The following FAT2 variants were observed in gnomAD, a reference collection of about 807,000 sequenced individuals.
The protein encoded by FAT2 is protocadherin Fat 2.
In FAT2, 150 loss-of-function variants were observed where a neutral mutation model predicts 295.3. The ratio of observed to expected loss-of-function variants is 0.51; its 90% CI spans 0.44 to 0.58. FAT2 has a LOEUF of 0.58. FAT2 is among the 20% of genes least tolerant of loss of function. The pLI, the probability that FAT2 is intolerant of heterozygous loss-of-function variation, is 0.00. For synonymous variants in FAT2, 2,026 were observed against 2,150.3 expected, an observed-to-expected ratio of 0.94 and a Z score of 1.60; for missense variants, 4,868 against 5,442.7, an observed-to-expected ratio of 0.89 and a Z score of 3.32.
In FAT2 at chr5:151,528,064, G is replaced by A. The variant is rs145145475; in HGVS notation, c.10096C>T (p.Leu3366Phe). 1 of 1,614,222 alleles carries A rather than the reference G, an allele frequency of 6.2e-7. No individual in the cohort carries two copies. Among genetic ancestry groups the A allele is most frequent in the Non-Finnish European group, 8.5e-7 (1 of 1,180,028 alleles). Residue 3366 changes from leucine (L) to phenylalanine (F), a missense_variant, in exon 16 of 24, where the codon CTT (leucine) becomes TTT (phenylalanine). By Grantham distance (22) the Leu-to-Phe change is conservative (BLOSUM62 0). Around this residue, in one of 5 missense-constraint regions of FAT2, gnomAD observed 1,046 missense variants for 1,210.1 expected, o/e 0.86. Transcript: ENST00000261800. The stretch of plus-strand genomic sequence containing the variant: ...TTGGGGTGAATGGTGAAGTGCCCAA[G>A]CTGGTTCCCTCCTATGAGGCTATAG... ...ITYSLIGGNQ[L>F]GHFTIHPKKG... is the part of the protein sequence containing the mutation.
chr5:151,594,408 C>A (rs377730442), upstream of FAT2, among the ~76,000 whole-genome samples: 1 of 152,208 alleles, frequency 6.6e-6, no homozygotes, highest in African/African-American at 2.4e-5. Context: ...GAAGCCCAGG[C>A]CCCAGACCCA....
intron 3 of FAT2, among the ~76,000 whole-genome samples, chr5:151,562,168 C>A (rs66495175): frequency 0.11 from 16,787 of 152,138 alleles, 1,092 homozygotes; most frequent in African/African-American, 0.17. Flanking sequence ...ATCTCACCCA[C>A]CCCTCTGTCT....
chr5:151,588,289 T>C (rs1413522570), intron 1 of FAT2, among the ~76,000 whole-genome samples: 1 of 152,224 alleles, frequency 6.6e-6, no homozygotes, highest in Non-Finnish European at 1.5e-5. Context: ...CCTTCAAGAC[T>C]GATCTGCCAC....
At position 151,507,282 on chromosome 5, in the gene FAT2, G is replaced by A. The variant is rs764741469; in HGVS notation, c.12389C>T (p.Thr4130Ile). 8.7e-6 allele frequency: 14 copies of A among 1,614,188 alleles called. No homozygotes were observed. Among genetic ancestry groups the A allele is most frequent in the East Asian group, 6.7e-5 (3 of 44,872 alleles). The change falls in exon 23 of 24, where the codon ACA becomes ATA. Residue 4130 changes from threonine to isoleucine, a missense_variant. By Grantham distance (89) the Thr-to-Ile change is moderately conservative. Transcript: ENST00000261800. ...SKASVPNELV[T>I]FGPNSKQRPV... ...CCGTTGCTTAGAATTGGGTCCAAAT[G>A]TGACGAGTTCATTTGGAACAGAGGC...
At chr5:151,583,111 G>A (rs986987401) in intron 1 of FAT2, among the ~76,000 whole-genome samples, 5 of 152,122 alleles carry the variant, frequency 3.3e-5, no homozygotes, top group African/African-American at 1.2e-4. Flanking sequence ...GGGAAGCCAT[G>A]TTCTACTTGT....
intron 12 of FAT2, among the ~76,000 whole-genome samples, chr5:151,535,324 G>A (rs1445454584): frequency 6.6e-6 from 1 of 151,912 alleles, no homozygotes; most frequent in African/African-American, 2.4e-5. Context: ...CTGCCCCAAA[G>A]CAAGATTCCC....
intron 11 of FAT2, among the ~76,000 whole-genome samples, chr5:151,538,218 AAG>A (rs1200745343): frequency 2.0e-5 from 3 of 152,234 alleles, no homozygotes; most frequent in Admixed American, 2.0e-4. Context: ...CGAGTCAGAA[AAG>A]AGAGAATGGA....
intron 1 of FAT2, among the ~76,000 whole-genome samples, chr5:151,588,680 G>A (rs1016247218): frequency 2.0e-5 from 3 of 152,128 alleles, no homozygotes; most frequent in Non-Finnish European, 4.4e-5. Flanking sequence ...ATCTTAGTAG[G>A]AGAGCCAATA....
At chr5:151,516,831 G>A (rs1212371877) in intron 20 of FAT2, among the ~76,000 whole-genome samples, 1 of 152,070 alleles carries the variant, frequency 6.6e-6, no homozygotes, top group Non-Finnish European at 1.5e-5. Context: ...TGGGGCTGAG[G>A]GCAGTGGTTC....
chr5:151,566,471 G>A lies in FAT2; in HGVS notation c.2461C>T (p.Pro821Ser), dbSNP rs1400206618. Residue 821 changes from proline (P) to serine (S), a missense_variant, in exon 2 of 24, where the codon CCT (proline) becomes TCT (serine). Physicochemically the swap from Pro to Ser is moderately conservative, Grantham distance 74. This residue lies in a region of FAT2 where 3,297 missense variants were observed against 3,669.4 expected (regional missense o/e 0.90). Transcript: ENST00000261800. ...ATGGTTAACTGGTACCCACCGGGAG[G>A]AAATCTGGGTGCGTTGTCATTCCAG... ...KDWNDNAPRF[P>S]PGGYQLTISE... 1 of 1,613,726 alleles carries A rather than the reference G, an allele frequency of 6.2e-7. No individual in the cohort carries two copies.
In FAT2 at chr5:151,544,577, T is replaced by C; in HGVS notation, c.6550A>G (p.Ile2184Val). ...TGGAGAATTGGGGTATAGAGGGTGA[T>C]ATTTTCAGGTACTCTGACTTTGTAA... Reference protein sequence around the residue: ...PYYKVRVPENITLYTPILHTQ... With the variant: ...PYYKVRVPENVTLYTPILHTQ... The change falls in exon 10 of 24, where the codon ATC becomes GTC. Residue 2184 changes from isoleucine to valine, a missense_variant. Ile to Val is a conservative substitution (Grantham distance 29). Transcript: ENST00000261800. 1 of 1,614,082 alleles carries C rather than the reference T, an allele frequency of 6.2e-7. No homozygotes were observed. The highest frequency in any genetic ancestry group is 8.5e-7 in the Non-Finnish European group (1 of 1,180,000).
rs754868926 is a variant in FAT2, at chr5:151,517,714, G to A, written c.11369C>T (p.Ala3790Val). 25 of 1,614,060 alleles carry A rather than the reference G, an allele frequency of 1.5e-5. No individual in the cohort carries two copies. The highest frequency in any genetic ancestry group is 5.0e-5 in the Admixed American group (3 of 60,002). The change falls in exon 20 of 24, where the codon GCG becomes GTG. Residue 3790 changes from alanine (A) to valine (V), a missense_variant. Physicochemically the swap from Ala to Val is moderately conservative, Grantham distance 64. Around this residue, in one of 5 missense-constraint regions of FAT2, gnomAD observed 1,046 missense variants for 1,210.1 expected, o/e 0.86. Coordinates refer to ENST00000261800, the MANE Select transcript of FAT2 (RefSeq NM_001447.3). ...GAAATGGATGTGCCAGTTCCGAGCCGCTGGGGCCCTGTACCGCACATAGCT... is the reference window on the plus strand; with the variant it reads ...GAAATGGATGTGCCAGTTCCGAGCCACTGGGGCCCTGTACCGCACATAGCT... Reference protein sequence around the residue: ...GQSYVRYRAPAARNWHIHFYL... With the variant: ...GQSYVRYRAPVARNWHIHFYL...
chr5:151,516,259 C>T (rs550994895), intron 20 of FAT2, among the ~76,000 whole-genome samples: 6 of 152,290 alleles, frequency 3.9e-5, no homozygotes, highest in South Asian at 2.1e-4. Flanking sequence ...CCTATAATCC[C>T]AGCACTTTGG....
Position 151,544,744 on chromosome 5 carries a change from T to A in FAT2, c.6383A>T (p.Lys2128Met). The change falls in exon 10 of 24, where the codon AAG becomes ATG. Residue 2128 changes from lysine (K) to methionine (M), a missense_variant. Physicochemically the swap from Lys to Met is moderately conservative, Grantham distance 95. Coordinates refer to ENST00000261800, the MANE Select transcript of FAT2 (RefSeq NM_001447.3). ...TAAAGCTTGATAATCAAAGGGTTTC[T>A]TGAGTGATATGTCCCCAAGATAGGG... ...IDPYLGDISL[K>M]KPFDYQALNK... is the part of the protein sequence containing the mutation. 2 of 1,614,214 alleles carry A rather than the reference T, an allele frequency of 1.2e-6. No homozygotes were observed. Among genetic ancestry groups the A allele is most frequent in the Non-Finnish European group, 8.5e-7 (1 of 1,180,038 alleles).
intron 19 of FAT2, among the ~76,000 whole-genome samples, chr5:151,519,952 CTT>C (rs1753272538): frequency 6.6e-6 from 1 of 152,172 alleles, no homozygotes; most frequent in Non-Finnish European, 1.5e-5. Context: ...CTCCAGTAGA[CTT>C]TGCAAAATCT....
chr5:151,571,121 G>A (rs1011783692), intron 1 of FAT2, among the ~76,000 whole-genome samples: 6 of 152,094 alleles, frequency 3.9e-5, no homozygotes, highest in African/African-American at 1.2e-4. Context: ...AAGAGCTGCT[G>A]TACGTTTCCC....
intron 1 of FAT2, among the ~76,000 whole-genome samples, chr5:151,587,292 T>C (rs1263629436): frequency 6.6e-6 from 1 of 152,148 alleles, no homozygotes; most frequent in Non-Finnish European, 1.5e-5. Flanking sequence ...ATATGTGACA[T>C]TTTTTTGAAA....
intron 2 of FAT2, 26 bp downstream of exon 2, chr5:151,565,647 A>ACGGGCC: frequency 1.4e-6 from 2 of 1,461,022 alleles, no homozygotes; most frequent in Non-Finnish European, 9.3e-7. Context: ...TGGCCCTGGC[A>ACGGGCC]CCCCACCCTA....
chr5:151,525,217 A>G (rs1266846096), intron 18 of FAT2, among the ~76,000 whole-genome samples: 7 of 152,246 alleles, frequency 4.6e-5, no homozygotes, highest in Admixed American at 4.6e-4. Context: ...ATTTGGAGAA[A>G]TAAAGTGAGG....
Sources: allele counts gnomAD v4.1 joint callset (sites outside exome capture counted in the v4.1 genomes callset), GRCh38; gene constraint gnomAD v4.1.1; regional missense constraint gnomAD v4.1.1; transcripts MANE v1.5; gene names NCBI Gene and HGNC (gene_info 2026-07-23, HGNC 2026-07-21).